The following AURKB variants were observed in gnomAD, a reference collection of about 807,000 sequenced individuals.
The protein encoded by AURKB is aurora kinase B-Sv1.
In AURKB, 28 loss-of-function variants were observed where a neutral mutation model predicts 36.5. The ratio of observed to expected loss-of-function variants is 0.77; its 90% CI spans 0.57 to 1.05. The LOEUF (loss-of-function observed/expected upper bound fraction) is 1.05, where lower values mean the gene tolerates loss of function less well. Among genes scored for constraint, AURKB ranks in the 50% least tolerant of loss-of-function variants. The pLI, the probability that AURKB is intolerant of heterozygous loss-of-function variation, is 0.00. For synonymous variants in AURKB, 175 were observed against 172.9 expected (o/e 1.01, Z -0.09); for missense variants, 383 against 447.4 (o/e 0.86, Z 1.30).
At chr17:8,205,905 G>A (rs1985201840) in intron 7 of AURKB, among the ~76,000 whole-genome samples, 1 of 151,876 alleles carries the variant, frequency 6.6e-6, no homozygotes, top group Non-Finnish European at 1.5e-5. Context: ...GCACCACCAT[G>A]TCTGCTTAAT....
At chr17:8,205,135 C>T in intron 8 of AURKB, 81 bp downstream of exon 8, 1 of 1,547,004 alleles carries the variant, frequency 6.5e-7, no homozygotes, top group South Asian at 1.2e-5. Context: ...TACTTAGGGC[C>T]ATGCAAATAC....
chr17:8,206,937 G>A lies in AURKB; in HGVS notation c.399-49C>T. 1 of 1,612,608 alleles carries A rather than the reference G, an allele frequency of 6.2e-7. No homozygotes were observed. The highest frequency in any genetic ancestry group is 1.3e-5 in the African/African-American group (1 of 75,026). On this transcript the variant is annotated intron_variant, in intron 5 of 8. Transcript: ENST00000585124. The surrounding 1 kb of genome is among the most constrained non-coding windows in gnomAD (Gnocchi z 4.2). ...CTCAGGCCAAAGGCATAAAAGAGCT[G>A]GAAAAGATGATAGGAGCAAACTGGG...
Position 8,204,943 on chromosome 17 carries a change from G to A in AURKB, c.963C>T (p.Val321=), listed in dbSNP as rs1400136249. The stretch of plus-strand genomic sequence containing the variant: ...TGGCCCGGACCCAAGGGTGGGCTGA[G>A]ACCTGGGCCAGGGGCAGCCGTTCCG... ...NPSERLPLAQ[V]SAHPWVRANS... Residue 321 remains valine, a synonymous_variant, in exon 9 of 9, where the codon GTC becomes GTT. Coordinates refer to ENST00000585124, the MANE Select transcript of AURKB (RefSeq NM_004217.4). 1.2e-6 allele frequency: 2 copies of A among 1,609,704 alleles called. No individual in the cohort carries two copies. The highest frequency in any genetic ancestry group is 1.7e-5 in the Admixed American group (1 of 57,778).
rs1985437837 is a variant in AURKB at position 8,207,208 on chromosome 17, C to A, written c.366G>T (p.Leu122=). ...GGGCCTGGATTTCGATCTCTCTGCG[C>A]AGCTGATGCTCCACGCCCTCCTTCT... The part of the protein sequence containing the change: ...QIEKEGVEHQ[L]RREIEIQAHL... Residue 122 remains leucine (L), a synonymous_variant, in exon 5 of 9, where the codon CTG becomes CTT. Coordinates refer to ENST00000585124, the MANE Select transcript of AURKB (RefSeq NM_004217.4). The A allele has an allele frequency of 1.2e-5, 20 of 1,614,004 alleles. No individual in the cohort carries two copies. Among genetic ancestry groups the A allele is most frequent in the Non-Finnish European group, 1.7e-5 (20 of 1,179,998 alleles).
chr17:8,210,002 G>A, intron 2 of AURKB, 175 bp downstream of exon 2: 1 of 800,590 alleles, frequency 1.2e-6, no homozygotes, highest in Non-Finnish European at 2.0e-6. Context: ...GCACCTGACA[G>A]GATGTGGCTA....
chr17:8,207,659 G>A (rs1172517170), intron 3 of AURKB, 34 bp from the exon 4 acceptor site: 1 of 1,613,828 alleles, frequency 6.2e-7, no homozygotes, highest in Admixed American at 1.7e-5. Flanking sequence ...AATGCGAACA[G>A]GGATGACCTT....
At position 8,205,337 on chromosome 17, in the gene AURKB, C is replaced by G; in HGVS notation, c.740G>C (p.Gly247Ala). 2 of 1,614,190 alleles carry G rather than the reference C, an allele frequency of 1.2e-6. No individual in the cohort carries two copies. Among genetic ancestry groups the G allele is most frequent in the Non-Finnish European group, 1.7e-6 (2 of 1,180,038 alleles). ...ATCCACCTTCTCATTGTGCATGCGC[C>G]CCTCAATCATCTCTGGGGGCAGGTA... Reference protein sequence around the residue: ...LDYLPPEMIEGRMHNEKVDLW... With the variant: ...LDYLPPEMIEARMHNEKVDLW... The change falls in exon 8 of 9, where the codon GGG becomes GCG. Residue 247 changes from glycine (G) to alanine (A), a missense_variant. Gly to Ala is a moderately conservative substitution (Grantham distance 60). Transcript: ENST00000585124.
intron 2 of AURKB, among the ~76,000 whole-genome samples, chr17:8,209,642 TATATA>T (rs1175766129): frequency 6.6e-6 from 1 of 152,194 alleles, no homozygotes; most frequent in African/African-American, 2.4e-5. Context: ...GGAATTTATA[TATATA>T]ATAAAGGTGG....
rs1985356367 is a variant in AURKB, at chr17:8,206,775, G to GTGCAGCTCTTC, written c.501_511dup (p.Thr171ArgfsTer22). 6.2e-7 allele frequency: 1 copy of GTGCAGCTCTTC among 1,614,066 alleles called. No individual in the cohort carries two copies. Among genetic ancestry groups the GTGCAGCTCTTC allele is most frequent in the African/African-American group, 1.3e-5 (1 of 74,944 alleles). On this transcript the variant is annotated frameshift_variant, in exon 6 of 9. Transcript: ENST00000585124. LOFTEE classifies it high-confidence loss of function. The surrounding 1 kb of genome is among the most constrained non-coding windows in gnomAD (Gnocchi z 4.2). ...CGTGGCTGTTCGCTGCTCGTCAAAT[G>GTGCAGCTCTTC]TGCAGCTCTTCTGCAGCTCCTTGTA... is the stretch of plus-strand genomic sequence containing the variant.
Position 8,207,166 on chromosome 17 carries a change from C to T in AURKB, c.398+10G>A. 1 of 1,608,522 alleles carries T rather than the reference C, an allele frequency of 6.2e-7. No homozygotes were observed. Among genetic ancestry groups the T allele is most frequent in the Non-Finnish European group, 8.5e-7 (1 of 1,175,946 alleles). On this transcript the variant is annotated intron_variant, in intron 5 of 8. Transcript: ENST00000585124. ...AGAGGGGCTTCGGCTCAGGGGGCAT[C>T]AACCCATACTGCAGGTGGGCCTGGA...
chr17:8,208,629 TAAA>T (rs977970135), intron 2 of AURKB, among the ~76,000 whole-genome samples: 19 of 143,736 alleles, frequency 1.3e-4, no homozygotes, highest in African/African-American at 2.7e-4. Flanking sequence ...AATAAATAAA[TAAA>T]AAATAAATAA....
In AURKB at chr17:8,206,343, C is replaced by G; in HGVS notation, c.686+148G>C. 2 of 947,180 alleles carry G rather than the reference C, an allele frequency of 2.1e-6. No homozygotes were observed. Among genetic ancestry groups the G allele is most frequent in the Non-Finnish European group, 3.1e-6 (2 of 653,740 alleles). The allele number at this position is 947,180 out of a possible 1,614,324, so 58.7% of individuals were successfully genotyped here. A position where few individuals can be genotyped will look rare whatever the true frequency, so the allele number is the denominator to read the frequency against. Reference sequence around the variant, plus strand: ...ACAAGGTTTCATCATGTTGGCAAATCTAGTCTCGAACTCCTGACCTCAGGT... The same window carrying G: ...ACAAGGTTTCATCATGTTGGCAAATGTAGTCTCGAACTCCTGACCTCAGGT... On this transcript the variant is annotated intron_variant, in intron 7 of 8. Transcript: ENST00000585124. This position sits in a 1 kb window ranked among gnomAD's most constrained non-coding sequence, Gnocchi z 4.2.
At position 8,205,334 on chromosome 17, in the gene AURKB, C is replaced by T. The variant is rs777705809; in HGVS notation, c.743G>A (p.Arg248His). The change falls in exon 8 of 9, where the codon CGC (arginine) becomes CAC (histidine). Residue 248 changes from arginine (R) to histidine (H), a missense_variant. Coordinates refer to ENST00000585124, the MANE Select transcript of AURKB (RefSeq NM_004217.4). ...DYLPPEMIEG[R>H]MHNEKVDLWC... Reference sequence around the variant, plus strand: ...CAGATCCACCTTCTCATTGTGCATGCGCCCCTCAATCATCTCTGGGGGCAG... The same window carrying T: ...CAGATCCACCTTCTCATTGTGCATGTGCCCCTCAATCATCTCTGGGGGCAG... The T allele has an allele frequency of 4.0e-5, 65 of 1,614,102 alleles. No individual in the cohort carries two copies. The highest frequency in any genetic ancestry group is 1.6e-4 in the Middle Eastern group (1 of 6,084).
chr17:8,206,951 G>A lies in AURKB; in HGVS notation c.399-63C>T. ...ATAAAAGAGCTGGAAAAGATGATAG[G>A]AGCAAACTGGGGTCAGACGTGGCCC... On this transcript the variant is annotated intron_variant, in intron 5 of 8. Transcript: ENST00000585124. The surrounding 1 kb of genome is among the most constrained non-coding windows in gnomAD (Gnocchi z 4.2). The A allele has an allele frequency of 1.2e-6, 2 of 1,609,884 alleles. No homozygotes were observed. The highest frequency in any genetic ancestry group is 2.2e-5 in the South Asian group (2 of 90,840).
chr17:8,209,961 G>A (rs1043218879), intron 2 of AURKB: 6 of 626,818 alleles, frequency 9.6e-6, no homozygotes, highest in Non-Finnish European at 1.7e-5. Context: ...CACCAGCTGG[G>A]AGTCACTGGC....
chr17:8,205,103 G>A, intron 8 of AURKB, 59 bp from the exon 9 acceptor site: 1 of 1,549,766 alleles, frequency 6.5e-7, no homozygotes, highest in Non-Finnish European at 8.7e-7. Flanking sequence ...CATCTTCCTT[G>A]ACTACCCATT....
chr17:8,210,320 G>A, intron 1 of AURKB, 71 bp from the exon 2 acceptor site: 1 of 1,180,410 alleles, frequency 8.5e-7, no homozygotes, highest in Non-Finnish European at 1.2e-6. Context: ...TGGACCGATC[G>A]AGCCGGAAGC....
intron 7 of AURKB, 33 bp from the exon 8 acceptor site, chr17:8,205,423 T>C (rs533851638): frequency 2.5e-6 from 4 of 1,607,136 alleles, no homozygotes; most frequent in Admixed American, 1.7e-5. Context: ...GCAGGGGTCC[T>C]AGTGACATAG....
chr17:8,205,085 C>A, intron 8 of AURKB, 41 bp from the exon 9 acceptor site: 1 of 1,559,262 alleles, frequency 6.4e-7, no homozygotes, highest in Non-Finnish European at 8.7e-7. Flanking sequence ...TTAGTTTCAC[C>A]CTGGCTACAT....
Sources: allele counts gnomAD v4.1 joint callset (sites outside exome capture counted in the v4.1 genomes callset), GRCh38; gene constraint gnomAD v4.1.1; non-coding constraint Gnocchi (gnomAD v3.1); transcripts MANE v1.5; gene names NCBI Gene and HGNC (gene_info 2026-07-23, HGNC 2026-07-21).